The following ZNF736 variants were observed in gnomAD, a reference collection of about 807,000 sequenced individuals.
The protein encoded by ZNF736 is KRAB-containing zinc-finger repressor protein.
ZNF736 carries 6 observed loss-of-function variants against 11.7 expected under a neutral mutation model. The observed-to-expected ratio is 0.51, with a 90% CI of 0.28 to 1.01. ZNF736 has a LOEUF of 1.01. Ranked by LOEUF, ZNF736 falls within the 50% of genes least tolerant of loss-of-function variation. The pLI is 0.09. For missense variants in ZNF736, 444 were observed against 496.0 expected (o/e 0.90, Z 1.00); for synonymous variants, 139 against 164.7 (o/e 0.84, Z 1.19).
intron 1 of ZNF736, among the ~76,000 whole-genome samples, chr7:64,334,480 G>A (rs1789217612): frequency 1.3e-5 from 2 of 152,106 alleles, no homozygotes; most frequent in Non-Finnish European, 2.9e-5. Flanking sequence ...AGTGGGTGAA[G>A]GATGTAAACA....
At position 64,349,279 on chromosome 7, in the gene ZNF736, T is replaced by G; in HGVS notation, c.*132T>G. 1 of 838,484 alleles carries G rather than the reference T, an allele frequency of 1.2e-6. No homozygotes were observed. Among genetic ancestry groups the G allele is most frequent in the Non-Finnish European group, 1.8e-6 (1 of 567,916 alleles). The allele number at this position is 838,484 out of a possible 1,614,324, so 51.9% of individuals were successfully genotyped here. ...TCTTAGAGGGTCTCTAAGAACTTACTTTATAATCTGGTTGCTTATATGTTG... is the reference window on the plus strand; with the variant it reads ...TCTTAGAGGGTCTCTAAGAACTTACGTTATAATCTGGTTGCTTATATGTTG... On this transcript the variant is annotated 3_prime_UTR_variant, in exon 4 of 4. Coordinates refer to ENST00000423484, the MANE Select transcript of ZNF736 (RefSeq NM_001170905.3).
At chr7:64,331,336 G>A (rs1319478607) in intron 1 of ZNF736, among the ~76,000 whole-genome samples, 1 of 152,160 alleles carries the variant, frequency 6.6e-6, no homozygotes, top group African/African-American at 2.4e-5. Flanking sequence ...ATGACAGGCA[G>A]CACTGAGTTT....
Position 64,352,988 on chromosome 7 carries a change from GGT to G in ZNF736, c.*3844_*3845del, listed in dbSNP as rs1215454242. On this transcript the variant is annotated 3_prime_UTR_variant, in exon 4 of 4. Transcript: ENST00000423484. ...CCTCTTTCCTATGGGTATGTTCAGGGGTGTAACCTGCTTTGCTCGAGTTGCAG... is the reference window on the plus strand; with the variant it reads ...CCTCTTTCCTATGGGTATGTTCAGGGGTAACCTGCTTTGCTCGAGTTGCAG... 6.6e-6 allele frequency: 1 copy of G among 152,380 alleles called. No homozygotes were observed. The allele number at this position is 152,380 out of a possible 1,614,324, so 9.4% of individuals were successfully genotyped here. A position where few individuals can be genotyped will look rare whatever the true frequency, so the allele number is the denominator to read the frequency against.
In ZNF736 at chr7:64,348,864, T is replaced by G; in HGVS notation, c.1001T>G (p.Ile334Ser). The G allele has an allele frequency of 1.2e-6, 2 of 1,605,534 alleles. No individual in the cohort carries two copies. The highest frequency in any genetic ancestry group is 1.7e-6 in the Non-Finnish European group (2 of 1,176,074). ...WFSALSKHKR[I>S]HTGEKPYICE... is the part of the protein sequence containing the mutation. ...TCGGCCCTTAGTAAACATAAGAGAATTCATACTGGAGAGAAACCCTACATC... is the reference window on the plus strand; with the variant it reads ...TCGGCCCTTAGTAAACATAAGAGAAGTCATACTGGAGAGAAACCCTACATC... The change falls in exon 4 of 4, where the codon ATT becomes AGT. Residue 334 changes from isoleucine to serine, a missense_variant. Coordinates refer to ENST00000423484, the MANE Select transcript of ZNF736 (RefSeq NM_001170905.3).
In ZNF736 at chr7:64,353,420, T is replaced by C. The variant is rs1789516256; in HGVS notation, c.*4273T>C. The C allele has an allele frequency of 1.3e-5, 2 of 152,350 alleles. No individual in the cohort carries two copies. The highest frequency in any genetic ancestry group is 3.4e-3 in the Middle Eastern group (1 of 294). 9.4% of individuals were successfully genotyped at this position (152,350 alleles called of 1,614,324 possible). ...ATGAGAACTGCACAGTCTAGCTGCTTCTAGTCAGCAATCTCGATCACTTTT... is the reference window on the plus strand; with the variant it reads ...ATGAGAACTGCACAGTCTAGCTGCTCCTAGTCAGCAATCTCGATCACTTTT... On this transcript the variant is annotated 3_prime_UTR_variant, in exon 4 of 4. Coordinates refer to ENST00000423484, the MANE Select transcript of ZNF736 (RefSeq NM_001170905.3).
At chr7:64,326,191 C>T (rs751144785) in intron 1 of ZNF736, among the ~76,000 whole-genome samples, 10 of 152,188 alleles carry the variant, frequency 6.6e-5, no homozygotes, top group Non-Finnish European at 1.5e-4. Context: ...GTTTTCCAAA[C>T]ACTGTACAGA....
In ZNF736 at chr7:64,348,598, T is replaced by C; in HGVS notation, c.735T>C (p.Val245=). The change falls in exon 4 of 4, where the codon GTT becomes GTC. Residue 245 remains valine (V), a synonymous_variant. Coordinates refer to ENST00000423484, the MANE Select transcript of ZNF736 (RefSeq NM_001170905.3). ...CTTTTACCTGCTCCTCAACCCTTGT[T>C]AAACACAAGAGAAATCATACTGGAG... is the stretch of plus-strand genomic sequence containing the variant. ...GKTFTCSSTL[V]KHKRNHTGDR... is the part of the protein sequence containing the mutation. The C allele has an allele frequency of 1.3e-6, 2 of 1,598,136 alleles. No individual in the cohort carries two copies. Among genetic ancestry groups the C allele is most frequent in the Non-Finnish European group, 1.7e-6 (2 of 1,172,076 alleles).
Position 64,314,034 on chromosome 7 carries a change from T to TC in ZNF736, c.-115dup. On this transcript the variant is annotated 5_prime_UTR_variant, in exon 1 of 4. It introduces an in-frame stop codon into an upstream open reading frame of the 5' UTR. Coordinates refer to ENST00000423484, the MANE Select transcript of ZNF736 (RefSeq NM_001170905.3). Reference sequence around the variant, plus strand: ...TGATCCTAGTTCGCGTCTCCACTGTTCCATCTCCTCCGTTCCTGGAGTTCC... The same window carrying TC: ...TGATCCTAGTTCGCGTCTCCACTGTTCCCATCTCCTCCGTTCCTGGAGTTCC... 10 of 1,425,330 alleles carry TC rather than the reference T, an allele frequency of 7.0e-6. No homozygotes were observed. The highest frequency in any genetic ancestry group is 9.7e-6 in the Non-Finnish European group (10 of 1,034,216). 88.3% of individuals were successfully genotyped at this position (1,425,330 alleles called of 1,614,324 possible).
In ZNF736 at chr7:64,352,020, G is replaced by A. The variant is rs1196561836; in HGVS notation, c.*2873G>A. ...GGGTAGCAAGGACAGTTGTACTGCA[G>A]AGGCCCCTGGAGGCTCTGTCCAGGG... On this transcript the variant is annotated 3_prime_UTR_variant, in exon 4 of 4. Coordinates refer to ENST00000423484, the MANE Select transcript of ZNF736 (RefSeq NM_001170905.3). The A allele has an allele frequency of 6.6e-6, 1 of 152,198 alleles. No individual in the cohort carries two copies. The highest frequency in any genetic ancestry group is 2.4e-5 in the African/African-American group (1 of 41,444). The allele number at this position is 152,198 out of a possible 1,614,324, so 9.4% of individuals were successfully genotyped here.
intron 1 of ZNF736, among the ~76,000 whole-genome samples, chr7:64,323,460 C>T (rs1051418080): frequency 1.3e-5 from 2 of 151,790 alleles, no homozygotes; most frequent in African/African-American, 4.8e-5. Flanking sequence ...AAATACTATT[C>T]ACAATAGCAA....
At position 64,348,421 on chromosome 7, in the gene ZNF736, A is replaced by G. The variant is rs376809332; in HGVS notation, c.558A>G (p.Ser186=). The G allele has an allele frequency of 7.9e-5, 122 of 1,550,496 alleles. No homozygotes were observed. In the African/African-American group the frequency reaches 1.5e-3, roughly 19 times the overall value. Residue 186 remains serine (S), a synonymous_variant, in exon 4 of 4, where the codon TCA becomes TCG. Coordinates refer to ENST00000423484, the MANE Select transcript of ZNF736 (RefSeq NM_001170905.3). ...GTGGCAAAGACTGTAGGTTGTTCTCAGATTTTACTAGACATAAGAAAATTC... is the reference window on the plus strand; with the variant it reads ...GTGGCAAAGACTGTAGGTTGTTCTCGGATTTTACTAGACATAAGAAAATTC... ...EECGKDCRLF[S]DFTRHKKIHT... is the part of the protein sequence containing the mutation.
At chr7:64,339,144 C>T (rs1218093181) in intron 3 of ZNF736, among the ~76,000 whole-genome samples, 1 of 151,954 alleles carries the variant, frequency 6.6e-6, no homozygotes, top group Non-Finnish European at 1.5e-5. Context: ...TTATTTAGTC[C>T]TTGGCTTATT....
intron 1 of ZNF736, among the ~76,000 whole-genome samples, chr7:64,319,307 GTA>G (rs1411277447): frequency 1.4e-3 from 176 of 129,124 alleles, no homozygotes; most frequent in African/African-American, 4.4e-3. Flanking sequence ...GTGTGTGTGT[GTA>G]TATGTATGTG....
chr7:64,314,096 C>A lies in ZNF736; in HGVS notation c.-55C>A. Reference sequence around the variant, plus strand: ...ACTATAGCTTCTGTTATCCTGTGACCTGCAGGTACTGGGAGATCCATAGGG... The same window carrying A: ...ACTATAGCTTCTGTTATCCTGTGACATGCAGGTACTGGGAGATCCATAGGG... On this transcript the variant is annotated 5_prime_UTR_variant, in exon 1 of 4. In the 5' UTR this introduces an upstream ATG that the reference lacks. Transcript: ENST00000423484. The A allele has an allele frequency of 6.4e-7, 1 of 1,551,312 alleles. No individual in the cohort carries two copies.
At chr7:64,318,145 A>G (rs2115864724) in intron 1 of ZNF736, among the ~76,000 whole-genome samples, 1 of 152,116 alleles carries the variant, frequency 6.6e-6, no homozygotes, top group Non-Finnish European at 1.5e-5. Context: ...AGGATTTTAA[A>G]TGGAAACATT....
Position 64,323,304 on chromosome 7 carries a change from C to G in ZNF736, c.3+9151C>G, listed in dbSNP as rs373515804. 1.4e-4 allele frequency among the ~76,000 whole-genome samples: 22 copies of G among 152,240 alleles called. No individual in the cohort carries two copies. In the South Asian group the frequency reaches 4.4e-3, roughly 30 times the overall value. ...AAACACAGTCAACAAATATTCATAA[C>G]AAATATTAAACTACAGTTGCTTATT... On this transcript the variant is annotated intron_variant, in intron 1 of 3. Transcript: ENST00000423484.
rs764646433 is a variant in ZNF736, at chr7:64,336,988, T to A, written c.226+6T>A. On this transcript the variant is annotated splice_donor_region_variant and intron_variant, in intron 3 of 3. Transcript: ENST00000423484. The stretch of plus-strand genomic sequence containing the variant: ...GGCAGTAGCCAAACACCCAGGTAGG[T>A]GGGAGTGAATGAAGCAGATGACACA... 2.5e-6 allele frequency: 4 copies of A among 1,594,450 alleles called. No homozygotes were observed. The Admixed American group carries it at 7.0e-5, about 28-fold the overall frequency.
At chr7:64,338,262 G>T (rs1220637691) in intron 3 of ZNF736, among the ~76,000 whole-genome samples, 1 of 152,104 alleles carries the variant, frequency 6.6e-6, no homozygotes, top group Non-Finnish European at 1.5e-5. Context: ...ATTGTATACA[G>T]TGTATTGATT....
chr7:64,319,982 G>A (rs1378858913), intron 1 of ZNF736, among the ~76,000 whole-genome samples: 1 of 151,802 alleles, frequency 6.6e-6, no homozygotes, highest in Non-Finnish European at 1.5e-5. Flanking sequence ...CACAGTATAT[G>A]GTTTTATTTA....
Sources: gnomAD v4.1 joint callset for allele counts (sites outside exome capture counted in the v4.1 genomes callset) on GRCh38, gnomAD v4.1.1 for gene constraint, MANE v1.5 for transcripts, NCBI Gene and HGNC (gene_info 2026-07-23, HGNC 2026-07-21) for gene names.